MACROD2: variants seen among roughly 807,000 people sequenced by gnomAD.
MACROD2 encodes the protein ADP-ribose glycohydrolase MACROD2.
A neutral mutation model predicts 70.4 loss-of-function variants in MACROD2; 36 were observed. That is an observed-to-expected ratio of 0.51 (90% CI 0.39 to 0.68). The LOEUF is 0.68. Among genes scored for constraint, MACROD2 ranks in the 30% least tolerant of loss-of-function variants. MACROD2 has a pLI of 0.00. For synonymous variants in MACROD2, 172 were observed against 178.8 expected (o/e 0.96, Z 0.30); for missense variants, 496 against 538.4 (o/e 0.92, Z 0.78).
rs149835962 is a variant in MACROD2 at position 16,049,835 on chromosome 20, G to A, written c.1306G>A (p.Ala436Thr). 28 of 1,612,052 alleles carry A rather than the reference G, an allele frequency of 1.7e-5. No individual in the cohort carries two copies. The highest frequency in any genetic ancestry group is 4.0e-5 in the African/African-American group (3 of 74,706). ...SQQEDQLIAG[A>T]QDEAKEQRNG... ...TGGCTTCTCTTTGTCTTCAGCAGGG[G>A]CACAAGATGAAGCGAAGGAACAAAG... The change falls in exon 18 of 18, where the codon GCA (alanine) becomes ACA (threonine). Residue 436 changes from alanine (A) to threonine (T), a missense_variant. Ala to Thr is a moderately conservative substitution (Grantham distance 58). Transcript: ENST00000684519.
Position 14,333,708 on chromosome 20 carries a change from A to G in MACROD2, c.272-159771A>G, listed in dbSNP as rs150277233. Among the ~76,000 whole-genome samples the G allele has an allele frequency of 1.8e-3, 270 of 152,308 alleles. 1 individual carries two copies. Among genetic ancestry groups the G allele is most frequent in the African/African-American group, 6.4e-3 (264 of 41,568 alleles). Reference sequence around the variant, plus strand: ...TTCCATACAGTAGTTCAGCAAATACATTTATTTTAGTCTACTGTGTGGCAA... The same window carrying G: ...TTCCATACAGTAGTTCAGCAAATACGTTTATTTTAGTCTACTGTGTGGCAA... On this transcript the variant is annotated intron_variant, in intron 3 of 17. Coordinates refer to ENST00000684519, the MANE Select transcript of MACROD2 (RefSeq NM_001351661.2).
rs184475878 is a variant in MACROD2 at position 14,447,824 on chromosome 20, G to A, written c.272-45655G>A. On this transcript the variant is annotated intron_variant, in intron 3 of 17. Transcript: ENST00000684519. ...CTGCTTGAGAGGACTGCCAGAGACC[G>A]CAGAGCAACTTCAGCAGTCTTTGAG... is the stretch of plus-strand genomic sequence containing the variant. Among the ~76,000 whole-genome samples the A allele has an allele frequency of 2.6e-3, 389 of 151,908 alleles. 3 individuals are homozygous for A. The highest frequency in any genetic ancestry group is 0.022 in the South Asian group (104 of 4,822).
At chr20:15,191,473 G>A (rs1447596476) in intron 5 of MACROD2, among the ~76,000 whole-genome samples, 2 of 151,482 alleles carry the variant, frequency 1.3e-5, no homozygotes, top group East Asian at 1.9e-4. Context: ...GTGGCGTGGG[G>A]CAGCCAAAAC....
intron 8 of MACROD2, among the ~76,000 whole-genome samples, chr20:15,662,022 C>G (rs936526004): frequency 6.6e-6 from 1 of 152,104 alleles, no homozygotes; most frequent in African/African-American, 2.4e-5. Context: ...CACTTGTTAC[C>G]CATTCTTATC....
intron 5 of MACROD2, chr20:14,888,248 G>C (rs2073706193): frequency 6.6e-6 from 1 of 152,224 alleles, no homozygotes; most frequent in Non-Finnish European, 1.5e-5. Flanking sequence ...ATGCTCCACA[G>C]CCAGCTTTAA....
intron 5 of MACROD2, among the ~76,000 whole-genome samples, chr20:15,080,757 T>G (rs2075697228): frequency 6.6e-6 from 1 of 152,278 alleles, no homozygotes; most frequent in South Asian, 2.1e-4. Flanking sequence ...CGAAAAGAAC[T>G]ATGAGTGTCC....
At chr20:15,142,806 C>A (rs2076202223) in intron 5 of MACROD2, among the ~76,000 whole-genome samples, 1 of 152,084 alleles carries the variant, frequency 6.6e-6, no homozygotes, top group African/African-American at 2.4e-5. Flanking sequence ...ATGATGGTTT[C>A]CAGCTTCATC....
chr20:14,203,582 G>A (rs2081498094), intron 3 of MACROD2, among the ~76,000 whole-genome samples: 1 of 152,102 alleles, frequency 6.6e-6, no homozygotes, highest in South Asian at 2.1e-4. Context: ...AGTGTTTGTT[G>A]GGTAGGGTGC....
intron 5 of MACROD2, among the ~76,000 whole-genome samples, chr20:14,881,220 T>C (rs2073607564): frequency 6.6e-6 from 1 of 151,212 alleles, no homozygotes; most frequent in African/African-American, 2.4e-5. Context: ...TACAGATCCA[T>C]AGGTTTTGGA....
intron 7 of MACROD2, among the ~76,000 whole-genome samples, chr20:15,490,538 G>A (rs774259857): frequency 2.0e-5 from 3 of 152,058 alleles, no homozygotes; most frequent in African/African-American, 4.8e-5. Context: ...TAAGATTACA[G>A]GCATGAACCA....
At chr20:15,904,826 A>T (rs1293953267) in intron 10 of MACROD2, among the ~76,000 whole-genome samples, 2 of 149,892 alleles carry the variant, frequency 1.3e-5, no homozygotes, top group Admixed American at 1.3e-4. Context: ...GCTTGCAGTG[A>T]GCCACGATCG....
intron 3 of MACROD2, among the ~76,000 whole-genome samples, chr20:14,226,550 G>C (rs1358122558): frequency 6.6e-6 from 1 of 151,984 alleles, no homozygotes; most frequent in Non-Finnish European, 1.5e-5. Context: ...CGGCGCTTGC[G>C]GGCCAGCTGG....
intron 4 of MACROD2, among the ~76,000 whole-genome samples, chr20:14,556,825 A>C (rs1165187422): frequency 6.6e-6 from 1 of 152,050 alleles, no homozygotes; most frequent in Admixed American, 6.6e-5. Context: ...CAAGTAATAA[A>C]ATGACAGTCT....
At chr20:15,557,749 G>A (rs965385356) in intron 8 of MACROD2, among the ~76,000 whole-genome samples, 1 of 152,146 alleles carries the variant, frequency 6.6e-6, no homozygotes, top group Non-Finnish European at 1.5e-5. Flanking sequence ...ACAGAAGGGG[G>A]AATTGGGCTT....
rs11474711 is a variant in MACROD2, at chr20:14,786,204, T to TAGAGAGAGAGAGAGAGAGAGAGAG, written c.418+101255_418+101278dup. Reference sequence around the variant, plus strand: ...AGTGTTTGGTTCACTCAGAGAAAGATAGAGAGAGAGAGAGAGAGAGAGAGA... The same window carrying TAGAGAGAGAGAGAGAGAGAGAGAG: ...AGTGTTTGGTTCACTCAGAGAAAGATAGAGAGAGAGAGAGAGAGAGAGAGAGAGAGAGAGAGAGAGAGAGAGAGA... On this transcript the variant is annotated intron_variant, in intron 5 of 17. Transcript: ENST00000684519. Among the ~76,000 whole-genome samples the TAGAGAGAGAGAGAGAGAGAGAGAG allele has an allele frequency of 6.6e-4, 89 of 135,518 alleles. 1 individual carries two copies. Among genetic ancestry groups the TAGAGAGAGAGAGAGAGAGAGAGAG allele is most frequent in the South Asian group, 3.2e-3 (13 of 4,052 alleles). 88.9% of individuals were successfully genotyped at this position (135,518 alleles called of 152,430 possible). A position where few individuals can be genotyped will look rare whatever the true frequency, so the allele number is the denominator to read the frequency against.
At position 15,937,486 on chromosome 20, in the gene MACROD2, C is replaced by T. The variant is rs774747735; in HGVS notation, c.849C>T (p.Asn283=). Residue 283 remains asparagine (N), a synonymous_variant, in exon 12 of 18, where the codon AAC becomes AAT. Coordinates refer to ENST00000684519, the MANE Select transcript of MACROD2 (RefSeq NM_001351661.2). Reference sequence around the variant, plus strand: ...TTTTCTGCTTTATAGATGGTGTCAACACTGTCACTGTGCCCGGCCCTGCTT... The same window carrying T: ...TTTTCTGCTTTATAGATGGTGTCAATACTGTCACTGTGCCCGGCCCTGCTT... The part of the protein sequence containing the change: ...EEQSQDADGV[N]TVTVPGPASE... The T allele has an allele frequency of 6.2e-7, 1 of 1,613,334 alleles. No homozygotes were observed. The highest frequency in any genetic ancestry group is 8.5e-7 in the Non-Finnish European group (1 of 1,179,480).
intron 5 of MACROD2, among the ~76,000 whole-genome samples, chr20:14,767,474 T>C (rs2072106119): frequency 6.6e-6 from 1 of 151,960 alleles, no homozygotes; most frequent in Non-Finnish European, 1.5e-5. Context: ...TGAAAGATAC[T>C]GAGTGTCAGT....
chr20:14,744,031 A>G (rs6105316), intron 5 of MACROD2, among the ~76,000 whole-genome samples: 1,650 of 152,150 alleles, frequency 0.011, 27 homozygotes, highest in African/African-American at 0.038. Flanking sequence ...GAGACTCCAG[A>G]AAAAAAATCA....
intron 7 of MACROD2, among the ~76,000 whole-genome samples, chr20:15,439,930 C>G (rs1330048167): frequency 6.6e-6 from 1 of 152,148 alleles, no homozygotes; most frequent in African/African-American, 2.4e-5. Flanking sequence ...GCACTGGCCT[C>G]TAAAGCAGTC....
Sources: allele counts gnomAD v4.1 joint callset (sites outside exome capture counted in the v4.1 genomes callset), GRCh38; gene constraint gnomAD v4.1.1; transcripts MANE v1.5; gene names NCBI Gene and HGNC (gene_info 2026-07-23, HGNC 2026-07-21).